The following KCNB2 variants were observed in gnomAD, a reference collection of about 807,000 sequenced individuals.
KCNB2 encodes potassium voltage-gated channel subfamily B member 2.
Under a neutral mutation model 61.5 loss-of-function variants are expected in KCNB2, and 15 were observed. The observed-to-expected ratio is 0.24, with a 90% CI of 0.16 to 0.38. KCNB2 has a LOEUF of 0.38. KCNB2 is among the 10% of genes least tolerant of loss of function. The pLI, the probability that KCNB2 is intolerant of heterozygous loss-of-function variation, is 1.00. For synonymous variants in KCNB2, 457 were observed against 446.0 expected (o/e 1.02, Z -0.31); for missense variants, 828 against 1,125.2 (o/e 0.74, Z 3.78).
intron 2 of KCNB2, among the ~76,000 whole-genome samples, chr8:72,925,017 A>G (rs1259855918): frequency 6.6e-6 from 1 of 152,184 alleles, no homozygotes. Flanking sequence ...ATTTTCTGGC[A>G]TTGTGTAATG....
At chr8:72,835,638 G>A (rs967046119) in intron 2 of KCNB2, among the ~76,000 whole-genome samples, 4 of 152,116 alleles carry the variant, frequency 2.6e-5, no homozygotes, top group African/African-American at 7.2e-5. Flanking sequence ...AGGACCCCAG[G>A]GGTGTAAGCA....
chr8:72,601,422 A>G (rs1410815720), intron 2 of KCNB2, among the ~76,000 whole-genome samples: 2 of 152,230 alleles, frequency 1.3e-5, no homozygotes, highest in East Asian at 1.9e-4. Context: ...GAGAATCATG[A>G]ACCATCTGAG....
Position 72,937,983 on chromosome 8 carries a change from G to A in KCNB2, c.2628G>A (p.Lys876=). The change falls in exon 3 of 3, where the codon AAG becomes AAA. Residue 876 remains lysine, a synonymous_variant. Coordinates refer to ENST00000523207, the MANE Select transcript of KCNB2 (RefSeq NM_004770.3). ...DIYHAVSEVK[K]DSSQEGCKME... is the part of the protein sequence containing the mutation. ...ACCATGCTGTGAGTGAAGTCAAAAA[G>A]GACAGTAGTCAAGAAGGGTGCAAGA... 6.2e-7 allele frequency: 1 copy of A among 1,614,088 alleles called. No homozygotes were observed. The highest frequency in any genetic ancestry group is 8.5e-7 in the Non-Finnish European group (1 of 1,179,990).
At chr8:72,625,026 C>T (rs765625583) in intron 2 of KCNB2, among the ~76,000 whole-genome samples, 76 of 152,192 alleles carry the variant, frequency 5.0e-4, no homozygotes, top group Non-Finnish European at 1.0e-3. Flanking sequence ...CAGATCCTTT[C>T]CCAGTCAAGC....
intron 2 of KCNB2, among the ~76,000 whole-genome samples, chr8:72,897,377 A>G (rs1473225310): frequency 1.3e-5 from 2 of 152,316 alleles, no homozygotes; most frequent in East Asian, 3.9e-4. Context: ...AGAGAATATG[A>G]GAAATTACCT....
At chr8:72,852,084 A>AC (rs573380381) in intron 2 of KCNB2, among the ~76,000 whole-genome samples, 9 of 151,424 alleles carry the variant, frequency 5.9e-5, no homozygotes, top group Admixed American at 2.0e-4. Context: ...AAATTTAAAA[A>AC]ATAAAAAATA....
intron 2 of KCNB2, among the ~76,000 whole-genome samples, chr8:72,931,280 G>A (rs551033736): frequency 6.6e-6 from 1 of 152,136 alleles, no homozygotes; most frequent in Non-Finnish European, 1.5e-5. Flanking sequence ...TGGCAATGGG[G>A]GCTCTTTTTT....
At chr8:72,658,189 T>C (rs1806321569) in intron 2 of KCNB2, among the ~76,000 whole-genome samples, 1 of 152,062 alleles carries the variant, frequency 6.6e-6, no homozygotes, top group Non-Finnish European at 1.5e-5. Context: ...GTCAGCCAAG[T>C]TGGTAATGCA....
chr8:72,903,831 A>C (rs1012614000), intron 2 of KCNB2, among the ~76,000 whole-genome samples: 2 of 152,138 alleles, frequency 1.3e-5, no homozygotes, highest in African/African-American at 4.8e-5. Context: ...CCTAGGTTTT[A>C]GAAGGAAAAA....
At chr8:72,677,304 G>A (rs549282284) in intron 2 of KCNB2, among the ~76,000 whole-genome samples, 4 of 152,266 alleles carry the variant, frequency 2.6e-5, no homozygotes, top group Admixed American at 1.3e-4. Flanking sequence ...TCAGTCACTT[G>A]GATTGTGGTG....
intron 2 of KCNB2, among the ~76,000 whole-genome samples, chr8:72,776,578 C>T (rs896081893): frequency 6.6e-6 from 1 of 152,112 alleles, no homozygotes; most frequent in Admixed American, 6.6e-5. Flanking sequence ...TTGTTCACAG[C>T]ATCTTATTTG....
chr8:72,770,821 A>G (rs974886852), intron 2 of KCNB2, among the ~76,000 whole-genome samples: 8 of 152,248 alleles, frequency 5.3e-5, no homozygotes, highest in African/African-American at 1.9e-4. Context: ...AGTATACTGC[A>G]AATAATTATG....
At chr8:72,655,817 G>A (rs1039991841) in intron 2 of KCNB2, among the ~76,000 whole-genome samples, 2 of 152,078 alleles carry the variant, frequency 1.3e-5, no homozygotes, top group African/African-American at 2.4e-5. Flanking sequence ...ATCTACCTGA[G>A]ACTCAGTCTT....
chr8:72,683,497 G>C (rs960078189), intron 2 of KCNB2, among the ~76,000 whole-genome samples: 1 of 152,168 alleles, frequency 6.6e-6, no homozygotes, highest in African/African-American at 2.4e-5. Flanking sequence ...AGGCTAACTC[G>C]TAGGATCTGG....
chr8:72,770,676 G>A (rs989007090), intron 2 of KCNB2, among the ~76,000 whole-genome samples: 1 of 152,176 alleles, frequency 6.6e-6, no homozygotes, highest in Non-Finnish European at 1.5e-5. Context: ...TAAAGCTGTT[G>A]TGGGGATTAA....
At chr8:72,733,568 C>T (rs1377550489) in intron 2 of KCNB2, among the ~76,000 whole-genome samples, 1 of 152,116 alleles carries the variant, frequency 6.6e-6, no homozygotes, top group Non-Finnish European at 1.5e-5. Flanking sequence ...ATTATAATGA[C>T]TGTAATATAG....
intron 2 of KCNB2, among the ~76,000 whole-genome samples, chr8:72,670,755 T>C (rs1325146210): frequency 6.6e-6 from 1 of 152,198 alleles, no homozygotes; most frequent in African/African-American, 2.4e-5. Flanking sequence ...GAATTAATCA[T>C]TTGCCTTTGC....
At chr8:72,722,688 G>A (rs1224807541) in intron 2 of KCNB2, among the ~76,000 whole-genome samples, 2 of 152,220 alleles carry the variant, frequency 1.3e-5, no homozygotes, top group African/African-American at 4.8e-5. Flanking sequence ...CTAGGCATAT[G>A]CAAGTTAAAG....
At chr8:72,777,092 CTT>C (rs1486785992) in intron 2 of KCNB2, among the ~76,000 whole-genome samples, 3 of 152,190 alleles carry the variant, frequency 2.0e-5, no homozygotes, top group African/African-American at 7.2e-5. Context: ...TGCACCAAGA[CTT>C]TAAAAATTCT....
Sources: allele counts gnomAD v4.1 joint callset (sites outside exome capture counted in the v4.1 genomes callset), GRCh38; gene constraint gnomAD v4.1.1; transcripts MANE v1.5; gene names NCBI Gene and HGNC (gene_info 2026-07-23, HGNC 2026-07-21).